PCSK5: variants seen among roughly 807,000 people sequenced by gnomAD.
PCSK5 encodes the protein proprotein convertase subtilisin/kexin type 5.
PCSK5 carries 129 observed loss-of-function variants against 233.2 expected under a neutral mutation model. That is an observed-to-expected ratio of 0.55 (90% CI 0.48 to 0.64). The LOEUF is 0.64. Among genes scored for constraint, PCSK5 ranks in the 30% least tolerant of loss-of-function variants. PCSK5 has a pLI of 0.00. For synonymous variants in PCSK5, 825 were observed against 879.2 expected (o/e 0.94, Z 1.09); for missense variants, 2,076 against 2,430.1 (o/e 0.85, Z 3.06).
rs1280123597 is a variant in PCSK5 at position 76,158,910 on chromosome 9, C to T, written c.1431-73C>T. On this transcript the variant is annotated intron_variant, in intron 11 of 37. Transcript: ENST00000674117. Reference sequence around the variant, plus strand: ...GCTTATCTTACATTGTGTATTTATTCCATGCCTCCAGGTTCACTCACCTGA... The same window carrying T: ...GCTTATCTTACATTGTGTATTTATTTCATGCCTCCAGGTTCACTCACCTGA... 4 of 1,234,116 alleles carry T rather than the reference C, an allele frequency of 3.2e-6. No individual in the cohort carries two copies. The South Asian group carries it at 5.4e-5, about 17-fold the overall frequency. 76.4% of individuals were successfully genotyped at this position (1,234,116 alleles called of 1,614,324 possible). A position where few individuals can be genotyped will look rare whatever the true frequency, so the allele number is the denominator to read the frequency against.
intron 33 of PCSK5, among the ~76,000 whole-genome samples, chr9:76,328,524 G>T (rs114615150): frequency 0.012 from 1,845 of 151,654 alleles, 13 homozygotes; most frequent in Middle Eastern, 0.02. Context: ...TCTCTCTATC[G>T]CTCTCTTCCT....
intron 20 of PCSK5, among the ~76,000 whole-genome samples, chr9:76,196,365 G>A (rs1401938095): frequency 6.6e-6 from 1 of 152,196 alleles, no homozygotes; most frequent in Non-Finnish European, 1.5e-5. Flanking sequence ...GCGTAAAGTC[G>A]GCATTGGCTG....
At chr9:76,280,918 G>A (rs1037472287) in intron 24 of PCSK5, among the ~76,000 whole-genome samples, 5 of 151,940 alleles carry the variant, frequency 3.3e-5, no homozygotes, top group Non-Finnish European at 7.4e-5. Context: ...TTGTGGTCTG[G>A]ATAGAAAATC....
At chr9:75,929,021 C>G (rs904445959) in intron 1 of PCSK5, among the ~76,000 whole-genome samples, 1 of 151,980 alleles carries the variant, frequency 6.6e-6, no homozygotes. Context: ...CTGCAACCTC[C>G]GCCTCCCTGG....
intron 2 of PCSK5, among the ~76,000 whole-genome samples, chr9:75,960,969 G>A (rs541385654): frequency 6.6e-6 from 1 of 152,218 alleles, no homozygotes; most frequent in South Asian, 2.1e-4. Flanking sequence ...TTGAAATGAT[G>A]TCCACAATTA....
At chr9:76,198,733 A>G (rs890912930) in intron 20 of PCSK5, among the ~76,000 whole-genome samples, 2 of 152,222 alleles carry the variant, frequency 1.3e-5, no homozygotes, top group African/African-American at 4.8e-5. Flanking sequence ...GCCACAAACT[A>G]GGTTCTGAGT....
At chr9:76,157,899 C>A (rs1263063195) in intron 11 of PCSK5, among the ~76,000 whole-genome samples, 1 of 152,170 alleles carries the variant, frequency 6.6e-6, no homozygotes, top group African/African-American at 2.4e-5. Flanking sequence ...TGGGCCATGC[C>A]AAGGGCTAGA....
At chr9:76,257,298 G>A (rs1439036851) in intron 24 of PCSK5, among the ~76,000 whole-genome samples, 1 of 151,694 alleles carries the variant, frequency 6.6e-6, no homozygotes, top group Non-Finnish European at 1.5e-5. Context: ...ACTGGTTGAG[G>A]AGAAAAAAAA....
chr9:75,900,199 TC>T (rs1263495732), intron 1 of PCSK5, among the ~76,000 whole-genome samples: 1 of 152,148 alleles, frequency 6.6e-6, no homozygotes, highest in African/African-American at 2.4e-5. Flanking sequence ...CTAATACTGC[TC>T]CTTCCTAGCT....
chr9:76,181,451 G>A lies in PCSK5; in HGVS notation c.2057G>A (p.Cys686Tyr). The A allele has an allele frequency of 6.2e-7, 1 of 1,614,066 alleles. No homozygotes were observed. The highest frequency in any genetic ancestry group is 1.3e-5 in the African/African-American group (1 of 75,036). ...CACTACCACGCCGACAAGAAGCGCT[G>A]CAGGAAGTGTGCCCCCAACTGTGAG... The part of the protein sequence containing the change: ...PGHYHADKKR[C>Y]RKCAPNCESC... Residue 686 changes from cysteine to tyrosine, a missense_variant, in exon 16 of 38, where the codon TGC (cysteine) becomes TAC (tyrosine). Cys to Tyr is a radical substitution (Grantham distance 194). This residue lies in a region of PCSK5 where 1,510 missense variants were observed against 1,538.1 expected (regional missense o/e 0.98). Coordinates refer to ENST00000674117, the MANE Select transcript of PCSK5 (RefSeq NM_001372043.1).
chr9:75,959,320 G>T (rs907915105), intron 2 of PCSK5, among the ~76,000 whole-genome samples: 1 of 152,180 alleles, frequency 6.6e-6, no homozygotes, highest in Admixed American at 6.5e-5. Context: ...TTTCATTGTT[G>T]CTCAAGCTAA....
intron 2 of PCSK5, among the ~76,000 whole-genome samples, chr9:75,974,946 C>T (rs1825953058): frequency 6.6e-6 from 1 of 152,182 alleles, no homozygotes; most frequent in Non-Finnish European, 1.5e-5. Flanking sequence ...TTACCCATCT[C>T]CCTTTGATTC....
At chr9:76,233,950 C>G (rs996426246) in intron 22 of PCSK5, among the ~76,000 whole-genome samples, 12 of 152,222 alleles carry the variant, frequency 7.9e-5, no homozygotes, top group African/African-American at 2.6e-4. Flanking sequence ...TTAAGAAAGA[C>G]ACGTTCTGTC....
intron 24 of PCSK5, among the ~76,000 whole-genome samples, chr9:76,265,197 C>A (rs1210357375): frequency 6.6e-6 from 1 of 151,708 alleles, no homozygotes; most frequent in African/African-American, 2.4e-5. Context: ...TAAAAGGGAA[C>A]TAAACATGGG....
intron 3 of PCSK5, among the ~76,000 whole-genome samples, chr9:75,994,829 T>C (rs957937366): frequency 1.3e-5 from 2 of 152,194 alleles, no homozygotes; most frequent in Non-Finnish European, 2.9e-5. Context: ...ACCTCCCCAT[T>C]TAGTCATTTC....
At chr9:75,962,656 T>C (rs1371194093) in intron 2 of PCSK5, among the ~76,000 whole-genome samples, 2 of 152,178 alleles carry the variant, frequency 1.3e-5, no homozygotes, top group Non-Finnish European at 2.9e-5. Flanking sequence ...CTCACGGAGC[T>C]CTCAGCAGAG....
At chr9:76,224,742 G>A (rs1470654922) in intron 20 of PCSK5, among the ~76,000 whole-genome samples, 1 of 152,198 alleles carries the variant, frequency 6.6e-6, no homozygotes. Context: ...TTATAGTTGA[G>A]TAGATTGAAG....
chr9:76,167,308 C>G (rs1346298863), intron 12 of PCSK5, among the ~76,000 whole-genome samples: 2 of 152,142 alleles, frequency 1.3e-5, no homozygotes, highest in Admixed American at 1.3e-4. Context: ...CCCAGTTAAC[C>G]CCATTATGGA....
rs145780991 is a variant in PCSK5, at chr9:75,946,301, A to G, written c.297+13818A>G. Among the ~76,000 whole-genome samples the G allele has an allele frequency of 8.9e-3, 1,352 of 152,314 alleles. 17 individuals carry two copies. Among genetic ancestry groups the G allele is most frequent in the Middle Eastern group, 0.01 (3 of 294 alleles). On this transcript the variant is annotated intron_variant, in intron 2 of 37. Coordinates refer to ENST00000674117, the MANE Select transcript of PCSK5 (RefSeq NM_001372043.1). ...GTTGGAGAGAAGACACTGTTATAAA[A>G]TGAAAGCAACATCAATTGCATTTAG...
Sources: gnomAD v4.1 joint callset for allele counts (sites outside exome capture counted in the v4.1 genomes callset) on GRCh38, gnomAD v4.1.1 for gene constraint, gnomAD v4.1.1 regional missense constraint, MANE v1.5 for transcripts, NCBI Gene and HGNC (gene_info 2026-07-23, HGNC 2026-07-21) for gene names.